Variants in FOXP2 observed in about 807,000 individuals in gnomAD.
FOXP2 encodes the protein forkhead box P2.
A neutral mutation model predicts 115.8 loss-of-function variants in FOXP2; 12 were observed. That is an observed-to-expected ratio of 0.10 (90% CI 0.07 to 0.17). The LOEUF (loss-of-function observed/expected upper bound fraction) is 0.17. Ranked by LOEUF, FOXP2 falls within the 10% of genes least tolerant of loss-of-function variation. The pLI is 1.00. For missense variants in FOXP2, 629 were observed against 843.5 expected, an observed-to-expected ratio of 0.75 and a Z score of 3.15; for synonymous variants, 328 against 297.7, an observed-to-expected ratio of 1.10 and a Z score of -1.05.
At chr7:114,543,084 T>C (rs753657372) in intron 3 of FOXP2, among the ~76,000 whole-genome samples, 18 of 152,092 alleles carry the variant, frequency 1.2e-4, no homozygotes, top group Non-Finnish European at 1.9e-4. Context: ...CCCGGCCTGT[T>C]CTTTCAAAAT....
chr7:114,533,178 A>T (rs1349344830), intron 2 of FOXP2, among the ~76,000 whole-genome samples: 4 of 151,982 alleles, frequency 2.6e-5, no homozygotes, highest in African/African-American at 9.7e-5. Flanking sequence ...TTTACAAACT[A>T]TGCCAGATCC....
chr7:114,407,512 G>A (rs1456590927), intron 2 of FOXP2, among the ~76,000 whole-genome samples: 1 of 152,048 alleles, frequency 6.6e-6, no homozygotes, highest in East Asian at 1.9e-4. Context: ...TGCTGGAAAT[G>A]GTTGTCAGAA....
chr7:114,245,331 G>A (rs941490074), intron 1 of FOXP2, among the ~76,000 whole-genome samples: 2 of 152,152 alleles, frequency 1.3e-5, no homozygotes, highest in Admixed American at 1.3e-4. Flanking sequence ...CTATTCATGA[G>A]AAGAATGAGA....
intron 2 of FOXP2, among the ~76,000 whole-genome samples, chr7:114,480,345 A>T (rs1796470403): frequency 6.6e-6 from 1 of 151,692 alleles, no homozygotes; most frequent in South Asian, 2.1e-4. Context: ...TAAAAAACAA[A>T]AACAAAATCA....
intron 2 of FOXP2, among the ~76,000 whole-genome samples, chr7:114,393,220 G>T (rs909346163): frequency 2.0e-5 from 3 of 150,358 alleles, no homozygotes; most frequent in Non-Finnish European, 4.4e-5. Flanking sequence ...ACTTAAGTAT[G>T]TTTAAGAAAC....
intron 2 of FOXP2, among the ~76,000 whole-genome samples, chr7:114,378,351 A>G (rs1041921549): frequency 1.3e-5 from 2 of 152,044 alleles, no homozygotes; most frequent in Non-Finnish European, 2.9e-5. Flanking sequence ...CTTCCTGCTA[A>G]TTCTTTCGGA....
At chr7:114,515,456 C>G (rs1001612891) in intron 2 of FOXP2, among the ~76,000 whole-genome samples, 1 of 151,944 alleles carries the variant, frequency 6.6e-6, no homozygotes, top group Non-Finnish European at 1.5e-5. Context: ...ATTTGCATTT[C>G]TCTGATGGCC....
chr7:114,515,156 T>A (rs1368113898), intron 2 of FOXP2, among the ~76,000 whole-genome samples: 1 of 148,472 alleles, frequency 6.7e-6, no homozygotes. Context: ...TTTGCTATTG[T>A]GAATAATGCC....
chr7:114,634,100 A>G (rs1457655040), intron 6 of FOXP2, among the ~76,000 whole-genome samples: 2 of 151,854 alleles, frequency 1.3e-5, no homozygotes, highest in Non-Finnish European at 2.9e-5. Flanking sequence ...GGTTCAAGCA[A>G]TTCTCCTCCC....
chr7:114,492,203 G>A (rs1397922211), intron 2 of FOXP2, among the ~76,000 whole-genome samples: 1 of 152,134 alleles, frequency 6.6e-6, no homozygotes, highest in Non-Finnish European at 1.5e-5. Context: ...TTGCGTAGAG[G>A]TGTTTATAGT....
intron 2 of FOXP2, among the ~76,000 whole-genome samples, chr7:114,446,174 A>G (rs2129215380): frequency 6.6e-6 from 1 of 152,178 alleles, no homozygotes; most frequent in Admixed American, 6.5e-5. Context: ...ATGTCAAAGA[A>G]GTTTTATAGG....
intron 1 of FOXP2, among the ~76,000 whole-genome samples, chr7:114,127,257 G>T (rs896597398): frequency 6.6e-6 from 1 of 152,156 alleles, no homozygotes; most frequent in African/African-American, 2.4e-5. Flanking sequence ...CAAGATGGGA[G>T]CTACACTCTT....
intron 2 of FOXP2, among the ~76,000 whole-genome samples, chr7:114,513,838 T>C (rs1236879017): frequency 6.6e-6 from 1 of 152,092 alleles, no homozygotes; most frequent in African/African-American, 2.4e-5. Context: ...AGTGTTAAAT[T>C]ATGCTTTTTT....
intron 2 of FOXP2, among the ~76,000 whole-genome samples, chr7:114,509,268 T>C (rs1303937808): frequency 1.3e-5 from 2 of 151,350 alleles, no homozygotes; most frequent in Non-Finnish European, 2.9e-5. Flanking sequence ...AATGGTTTTT[T>C]TGTTTGTTTG....
At chr7:114,548,119 A>G (rs6953359) in intron 3 of FOXP2, among the ~76,000 whole-genome samples, 13,380 of 152,206 alleles carry the variant, frequency 0.088, 643 homozygotes, top group Middle Eastern at 0.16. Context: ...TGGCCACAAG[A>G]TAACTCTCCT....
chr7:114,318,217 A>T (rs1254764708), intron 2 of FOXP2, among the ~76,000 whole-genome samples: 1 of 152,036 alleles, frequency 6.6e-6, no homozygotes, highest in South Asian at 2.1e-4. Context: ...GGCTTTAGTT[A>T]GGGTTTTGTT....
intron 16 of FOXP2, 131 bp from the exon 17 acceptor site, chr7:114,689,651 C>A: frequency 1.2e-6 from 1 of 856,094 alleles, no homozygotes; most frequent in Non-Finnish European, 1.9e-6. Context: ...CGCAATCAAT[C>A]AGATGCCCTT....
At chr7:114,550,112 CTT>C (rs941573098) in intron 3 of FOXP2, among the ~76,000 whole-genome samples, 4 of 103,294 alleles carry the variant, frequency 3.9e-5, no homozygotes, top group Non-Finnish European at 5.9e-5. Flanking sequence ...CCTTTCTTTT[CTT>C]TTTTTTTTTT....
chr7:114,307,536 A>T (rs1181973345), intron 2 of FOXP2, among the ~76,000 whole-genome samples: 1 of 152,126 alleles, frequency 6.6e-6, no homozygotes, highest in Non-Finnish European at 1.5e-5. Context: ...TTTATATACA[A>T]ACATGTAACT....
Sources: allele counts gnomAD v4.1 joint callset (sites outside exome capture counted in the v4.1 genomes callset), GRCh38; gene constraint gnomAD v4.1.1; transcripts MANE v1.5; gene names NCBI Gene and HGNC (gene_info 2026-07-23, HGNC 2026-07-21).